Variants in TALDO1 observed in about 807,000 individuals in gnomAD.
TALDO1 encodes the protein transaldolase.
A neutral mutation model predicts 38.1 loss-of-function variants in TALDO1; 29 were observed. The ratio of observed to expected loss-of-function variants is 0.76; its 90% CI spans 0.57 to 1.04. TALDO1 has a LOEUF of 1.04. TALDO1 is among the 50% of genes least tolerant of loss of function. The pLI is 0.00. For missense variants in TALDO1, 499 were observed against 438.1 expected (o/e 1.14, Z -1.24); for synonymous variants, 207 against 176.8 (o/e 1.17, Z -1.36).
intron 4 of TALDO1, among the ~76,000 whole-genome samples, 150 bp from the exon 5 acceptor site, chr11:763,190 CCCCG>C (rs1862971885): frequency 8.7e-6 from 1 of 114,974 alleles, no homozygotes; most frequent in African/African-American, 3.3e-5. Flanking sequence ...CATTCACCTG[CCCCG>C]CCCTCACCTG....
intron 1 of TALDO1, among the ~76,000 whole-genome samples, chr11:754,907 G>A (rs1027655972): frequency 2.0e-5 from 3 of 151,838 alleles, no homozygotes; most frequent in African/African-American, 4.8e-5. Context: ...AGTAGCTGAC[G>A]CTACAGGCAT....
chr11:756,740 A>G (rs1452530888), intron 2 of TALDO1, among the ~76,000 whole-genome samples: 1 of 151,866 alleles, frequency 6.6e-6, no homozygotes, highest in Non-Finnish European at 1.5e-5. Context: ...CCGGTCTCGA[A>G]CTTCTTACCT....
intron 4 of TALDO1, chr11:760,576 T>A (rs567848342): frequency 2.9e-6 from 1 of 345,260 alleles, no homozygotes; most frequent in East Asian, 6.6e-5. Flanking sequence ...CACAAGCCTA[T>A]GTTTACATGA....
chr11:762,821 G>A (rs1051025863), intron 4 of TALDO1, among the ~76,000 whole-genome samples: 41 of 152,238 alleles, frequency 2.7e-4, no homozygotes, highest in Non-Finnish European at 1.5e-5. Flanking sequence ...CAGAAACCAG[G>A]GTGCTACGGG....
At chr11:748,480 G>C (rs1431183476) in intron 1 of TALDO1, among the ~76,000 whole-genome samples, 1 of 152,244 alleles carries the variant, frequency 6.6e-6, no homozygotes, top group Non-Finnish European at 1.5e-5. Flanking sequence ...GACGAGCCTT[G>C]TGTCTATGTT....
intron 4 of TALDO1, among the ~76,000 whole-genome samples, chr11:762,750 A>G (rs1862960586): frequency 1.3e-5 from 2 of 152,264 alleles, no homozygotes; most frequent in African/African-American, 4.8e-5. Context: ...CAACCCCAGG[A>G]TGTCCAAAGT....
chr11:764,376 C>A lies in TALDO1; in HGVS notation c.924C>A (p.Leu308=). The part of the protein sequence containing the change: ...HNEDQMAVEK[L]SDGIRKFAAD... Reference sequence around the variant, plus strand: ...AGGACCAGATGGCTGTGGAGAAGCTCTCTGACGGGATCCGCAAGTTTGCCG... The same window carrying A: ...AGGACCAGATGGCTGTGGAGAAGCTATCTGACGGGATCCGCAAGTTTGCCG... The change falls in exon 7 of 8, where the codon CTC becomes CTA. Residue 308 remains leucine (L), a synonymous_variant. Coordinates refer to ENST00000319006, the MANE Select transcript of TALDO1 (RefSeq NM_006755.2). 6.2e-7 allele frequency: 1 copy of A among 1,613,970 alleles called. No individual in the cohort carries two copies.
chr11:752,224 C>A (rs1223665073), intron 1 of TALDO1: 1 of 151,244 alleles, frequency 6.6e-6, no homozygotes, highest in East Asian at 2.0e-4. Context: ...CGCCCGCCAC[C>A]ACGCCCACCT....
At chr11:760,388 A>C in intron 4 of TALDO1, 135 bp downstream of exon 4, 1 of 1,352,414 alleles carries the variant, frequency 7.4e-7, no homozygotes, top group East Asian at 2.4e-5. Context: ...CACAGCTTGG[A>C]CTTGACCAGC....
intron 1 of TALDO1, among the ~76,000 whole-genome samples, chr11:748,235 C>T (rs1862692258): frequency 6.6e-6 from 1 of 152,218 alleles, no homozygotes; most frequent in East Asian, 1.9e-4. Flanking sequence ...CGCCCTTGAG[C>T]CCTGCGGTGC....
intron 1 of TALDO1, among the ~76,000 whole-genome samples, chr11:750,296 G>A (rs908873083): frequency 3.8e-4 from 57 of 151,912 alleles, no homozygotes; most frequent in African/African-American, 1.2e-3. Flanking sequence ...TCCAGCCTGC[G>A]CAACATGGTA....
chr11:762,964 G>A (rs182534543), intron 4 of TALDO1, among the ~76,000 whole-genome samples: 10 of 152,284 alleles, frequency 6.6e-5, no homozygotes, highest in East Asian at 3.9e-4. Flanking sequence ...ACGGCCTGGC[G>A]CAAGAGCACG....
At chr11:764,183 C>G in intron 6 of TALDO1, 105 bp from the exon 7 acceptor site, 2 of 1,592,688 alleles carry the variant, frequency 1.3e-6, no homozygotes, top group Non-Finnish European at 1.7e-6. Flanking sequence ...CAAGGCCTGG[C>G]CCTGGTGGGA....
At chr11:763,644 C>T in intron 5 of TALDO1, 103 bp from the exon 6 acceptor site, 1 of 1,565,938 alleles carries the variant, frequency 6.4e-7, no homozygotes, top group Non-Finnish European at 8.8e-7. Flanking sequence ...GCGGGGCAGG[C>T]AGGGGTGGCG....
chr11:761,521 T>G (rs1322390037), intron 4 of TALDO1, among the ~76,000 whole-genome samples: 1 of 151,936 alleles, frequency 6.6e-6, no homozygotes, highest in Non-Finnish European at 1.5e-5. Flanking sequence ...ACCAAACATA[T>G]GTACGTTCAG....
At chr11:757,074 G>T (rs1400576734) in intron 2 of TALDO1, among the ~76,000 whole-genome samples, 1 of 152,188 alleles carries the variant, frequency 6.6e-6, no homozygotes, top group Non-Finnish European at 1.5e-5. Flanking sequence ...CAGGTGGCTG[G>T]TGAGTGGCTC....
chr11:750,194 C>G (rs528151172), intron 1 of TALDO1, among the ~76,000 whole-genome samples: 3 of 152,294 alleles, frequency 2.0e-5, no homozygotes, highest in South Asian at 4.1e-4. Flanking sequence ...CCGTGTCCCT[C>G]AGAGACCCCT....
At chr11:748,531 C>T (rs1862696457) in intron 1 of TALDO1, among the ~76,000 whole-genome samples, 1 of 152,202 alleles carries the variant, frequency 6.6e-6, no homozygotes, top group Non-Finnish European at 1.5e-5. Context: ...AATCATGAAA[C>T]GCTTCATGGA....
chr11:764,219 CCT>C (rs1863009207), intron 6 of TALDO1, 67 bp from the exon 7 acceptor site: 2 of 1,612,666 alleles, frequency 1.2e-6, no homozygotes, highest in Admixed American at 3.3e-5. Context: ...CAGTTCAGGC[CCT>C]GAGCCCAAGG....
Sources: gnomAD v4.1 joint callset for allele counts (sites outside exome capture counted in the v4.1 genomes callset) on GRCh38, gnomAD v4.1.1 for gene constraint, MANE v1.5 for transcripts, NCBI Gene and HGNC (gene_info 2026-07-23, HGNC 2026-07-21) for gene names.